The following MBOAT1 variants were observed in gnomAD, a reference collection of about 807,000 sequenced individuals.
The protein encoded by MBOAT1 is membrane bound glycerophospholipid O-acyltransferase 1.
Under a neutral mutation model 64.4 loss-of-function variants are expected in MBOAT1, and 67 were observed. The ratio of observed to expected loss-of-function variants is 1.04; its 90% CI spans 0.85 to 1.27. The LOEUF (loss-of-function observed/expected upper bound fraction) is 1.27, where lower values mean the gene tolerates loss of function less well. Ranked by LOEUF, MBOAT1 falls within the 50% of genes most tolerant of loss-of-function variation. The pLI is 0.00. For missense variants in MBOAT1, 563 were observed against 604.6 expected (o/e 0.93, Z 0.72); for synonymous variants, 229 against 218.9 (o/e 1.05, Z -0.41).
rs1759800485 is a variant in MBOAT1, at chr6:20,101,903, C to T, written c.*383G>A. Among the ~76,000 whole-genome samples, 1 of 151,766 alleles carries T rather than the reference C, an allele frequency of 6.6e-6. No homozygotes were observed. Among genetic ancestry groups the T allele is most frequent in the African/African-American group, 2.4e-5 (1 of 41,314 alleles). On this transcript the variant is annotated 3_prime_UTR_variant, in exon 13 of 13. Transcript: ENST00000324607. ...GGCCGAGGCGGGCGGATCACGAGGTCAGGAGATCGAGACCATCCCGGCTAA... is the reference window on the plus strand; with the variant it reads ...GGCCGAGGCGGGCGGATCACGAGGTTAGGAGATCGAGACCATCCCGGCTAA...
Position 20,109,615 on chromosome 6 carries a change from C to CG in MBOAT1, c.1343dup (p.Thr449AspfsTer42). 6.2e-7 allele frequency: 1 copy of CG among 1,612,698 alleles called. No individual in the cohort carries two copies. Among genetic ancestry groups the CG allele is most frequent in the Non-Finnish European group, 8.5e-7 (1 of 1,179,194 alleles). ...AAACTTACTTGTATAAGCTGATGGT[C>CG]GGTTCAACTGCCAACATCACAAAGG... is the stretch of plus-strand genomic sequence containing the variant. On this transcript the variant is annotated frameshift_variant, in exon 12 of 13. Coordinates refer to ENST00000324607, the MANE Select transcript of MBOAT1 (RefSeq NM_001080480.3). LOFTEE classifies it high-confidence loss of function.
rs1290707029 is a variant in MBOAT1 at position 20,101,055 on chromosome 6, G to A, written c.*1231C>T. The stretch of plus-strand genomic sequence containing the variant: ...GAAAATCAGCCCATGTGTACATCAC[G>A]GCCAGCCATGATCATTAACACCTCC... On this transcript the variant is annotated 3_prime_UTR_variant, in exon 13 of 13. Coordinates refer to ENST00000324607, the MANE Select transcript of MBOAT1 (RefSeq NM_001080480.3). 6.6e-6 allele frequency among the ~76,000 whole-genome samples: 1 copy of A among 152,048 alleles called. No homozygotes were observed. Among genetic ancestry groups the A allele is most frequent in the African/African-American group, 2.4e-5 (1 of 41,394 alleles).
At chr6:20,124,024 T>C (rs1419611615) in intron 8 of MBOAT1, among the ~76,000 whole-genome samples, 1 of 152,084 alleles carries the variant, frequency 6.6e-6, no homozygotes, top group Non-Finnish European at 1.5e-5. Context: ...GCCACTGCGC[T>C]CCAGCCTGGG....
intron 1 of MBOAT1, among the ~76,000 whole-genome samples, chr6:20,195,494 T>C (rs1040035363): frequency 2.6e-5 from 4 of 152,166 alleles, no homozygotes; most frequent in Non-Finnish European, 4.4e-5. Context: ...CCAAAAAGCC[T>C]GGATTTTACT....
At position 20,102,342 on chromosome 6, in the gene MBOAT1, G is replaced by A; in HGVS notation, c.1432C>T (p.His478Tyr). ...AGAGTCTGAGGCCGCCTTTGCGTAT[G>A]AGCTTGTGGTTTCATTGGCAGAAAT... The part of the protein sequence containing the change: ...ILFLPMKPQA[H>Y]TQRRPQTLNS... The change falls in exon 13 of 13, where the codon CAT (histidine) becomes TAT (tyrosine). Residue 478 changes from histidine (H) to tyrosine (Y), a missense_variant. Physicochemically the swap from His to Tyr is moderately conservative, Grantham distance 83. Coordinates refer to ENST00000324607, the MANE Select transcript of MBOAT1 (RefSeq NM_001080480.3). The A allele has an allele frequency of 1.2e-6, 2 of 1,613,984 alleles. No individual in the cohort carries two copies.
At chr6:20,117,328 C>T (rs1379271075) in intron 9 of MBOAT1, among the ~76,000 whole-genome samples, 2 of 152,130 alleles carry the variant, frequency 1.3e-5, no homozygotes, top group Non-Finnish European at 2.9e-5. Context: ...AACCAAATAG[C>T]ATGATGAGTT....
At chr6:20,141,530 G>GT (rs1761177658) in intron 4 of MBOAT1, among the ~76,000 whole-genome samples, 1 of 151,420 alleles carries the variant, frequency 6.6e-6, no homozygotes, top group African/African-American at 2.4e-5. Context: ...CAGCTAATTT[G>GT]TTTTTTGTTT....
In MBOAT1 at chr6:20,101,188, T is replaced by C. The variant is rs1759776935; in HGVS notation, c.*1098A>G. ...CCTAAAAGGCATTCTGCTGCCTTTC[T>C]GAGGCATGAACATTTGGGTGTCTTC... On this transcript the variant is annotated 3_prime_UTR_variant, in exon 13 of 13. Transcript: ENST00000324607. Among the ~76,000 whole-genome samples, 1 of 152,188 alleles carries C rather than the reference T, an allele frequency of 6.6e-6. No individual in the cohort carries two copies. Among genetic ancestry groups the C allele is most frequent in the Non-Finnish European group, 1.5e-5 (1 of 68,026 alleles).
At chr6:20,185,260 T>C (rs1299049089) in intron 1 of MBOAT1, among the ~76,000 whole-genome samples, 3 of 152,042 alleles carry the variant, frequency 2.0e-5, no homozygotes, top group Non-Finnish European at 4.4e-5. Context: ...TGACAATCAA[T>C]CAATCAATCA....
In MBOAT1 at chr6:20,154,448, G is replaced by A. The variant is rs561984119; in HGVS notation, c.100-1679C>T. On this transcript the variant is annotated intron_variant, in intron 1 of 12. Coordinates refer to ENST00000324607, the MANE Select transcript of MBOAT1 (RefSeq NM_001080480.3). Reference sequence around the variant, plus strand: ...CTTGGGAGGCTGAAGCAGGAGAATCGCTTGAACTCGGGAGGCAGAGGTTGC... The same window carrying A: ...CTTGGGAGGCTGAAGCAGGAGAATCACTTGAACTCGGGAGGCAGAGGTTGC... Among the ~76,000 whole-genome samples, 29 of 152,198 alleles carry A rather than the reference G, an allele frequency of 1.9e-4. 1 individual carries two copies. The East Asian group carries it at 2.9e-3, about 15-fold the overall frequency.
intron 6 of MBOAT1, among the ~76,000 whole-genome samples, chr6:20,127,281 G>A (rs1211963653): frequency 2.0e-5 from 3 of 152,170 alleles, no homozygotes; most frequent in Non-Finnish European, 4.4e-5. Flanking sequence ...ACTGTTCTGT[G>A]TGGTGCTTTA....
intron 5 of MBOAT1, among the ~76,000 whole-genome samples, chr6:20,130,263 C>A (rs1268973514): frequency 6.6e-6 from 1 of 152,196 alleles, no homozygotes; most frequent in Non-Finnish European, 1.5e-5. Flanking sequence ...CAATGTAAAT[C>A]ACACTTTCTG....
At chr6:20,196,870 A>C (rs113013220) in intron 1 of MBOAT1, among the ~76,000 whole-genome samples, 104,559 of 150,862 alleles carry the variant, frequency 0.69, 36,569 homozygotes, top group Admixed American at 0.76. Flanking sequence ...CTCAAAAAAA[A>C]AAACAAACAA....
chr6:20,110,158 C>T (rs1323266423), intron 11 of MBOAT1, among the ~76,000 whole-genome samples: 1 of 151,404 alleles, frequency 6.6e-6, no homozygotes, highest in Non-Finnish European at 1.5e-5. Context: ...ATCTGCCCAC[C>T]TTGGCCGCCC....
At chr6:20,153,889 A>G (rs1456211225) in intron 1 of MBOAT1, among the ~76,000 whole-genome samples, 1 of 152,266 alleles carries the variant, frequency 6.6e-6, no homozygotes, top group Non-Finnish European at 1.5e-5. Flanking sequence ...ATTTATATTT[A>G]CCCAAATCAA....
intron 2 of MBOAT1, among the ~76,000 whole-genome samples, chr6:20,152,326 CAAAA>C (rs60553927): frequency 4.1e-5 from 4 of 97,090 alleles, no homozygotes. Flanking sequence ...GACTCCGTCT[CAAAA>C]AAAAAAAATA....
intron 11 of MBOAT1, among the ~76,000 whole-genome samples, chr6:20,111,805 C>CATATAGATAAATATATATACAT (rs1432730725): frequency 1.7e-5 from 1 of 59,252 alleles, no homozygotes. Flanking sequence ...CCACTTTGTT[C>CATATAGATAAATATATATACAT]ATATATATAC....
chr6:20,209,580 G>A (rs1233711289), intron 1 of MBOAT1, among the ~76,000 whole-genome samples: 5 of 152,196 alleles, frequency 3.3e-5, no homozygotes, highest in Non-Finnish European at 5.9e-5. Flanking sequence ...CAATTAATCA[G>A]GAATTAGGAT....
chr6:20,134,985 G>A (rs543424743), intron 4 of MBOAT1, among the ~76,000 whole-genome samples: 1 of 137,894 alleles, frequency 7.3e-6, no homozygotes, highest in Admixed American at 7.6e-5. Context: ...GACAAAAAAA[G>A]GAGGAGATCC....
Sources: allele counts gnomAD v4.1 joint callset (sites outside exome capture counted in the v4.1 genomes callset), GRCh38; gene constraint gnomAD v4.1.1; transcripts MANE v1.5; gene names NCBI Gene and HGNC (gene_info 2026-07-23, HGNC 2026-07-21).